Variants in SLC6A16 observed in about 807,000 individuals in gnomAD.
SLC6A16 encodes orphan sodium- and chloride-dependent neurotransmitter transporter NTT5.
In SLC6A16, 54 loss-of-function variants were observed where a neutral mutation model predicts 65.4. The ratio of observed to expected loss-of-function variants is 0.83; its 90% confidence interval spans 0.66 to 1.04. The LOEUF (loss-of-function observed/expected upper bound fraction) is 1.04. SLC6A16 is among the 50% of genes least tolerant of loss of function. The pLI is 0.00. For synonymous variants in SLC6A16, 330 were observed against 346.5 expected (o/e 0.95, Z 0.53); for missense variants, 816 against 914.0 (o/e 0.89, Z 1.38).
chr19:49,321,785 G>A (rs1011087944), intron 1 of SLC6A16, among the ~76,000 whole-genome samples: 2 of 151,950 alleles, frequency 1.3e-5, no homozygotes, highest in Admixed American at 6.6e-5. Context: ...ACCTGGGTGT[G>A]TTGATGTACT....
chr19:49,308,191 G>A (rs1315591152), intron 7 of SLC6A16, among the ~76,000 whole-genome samples: 1 of 152,074 alleles, frequency 6.6e-6, no homozygotes, highest in Non-Finnish European at 1.5e-5. Flanking sequence ...GGTGGCTCAC[G>A]CCTGTAATCG....
upstream of SLC6A16, among the ~76,000 whole-genome samples, chr19:49,327,119 G>A (rs1970807277): frequency 6.6e-6 from 1 of 151,590 alleles, no homozygotes. Flanking sequence ...TGTCACCCAG[G>A]CTGAAGTGCA....
chr19:49,335,897 G>A, the SLC6A16 span: 1 of 864,848 alleles, frequency 1.2e-6, no homozygotes, highest in Non-Finnish European at 1.9e-6. The surrounding 1 kb of genome is among the most constrained non-coding windows in gnomAD (Gnocchi z 4.6). Context: ...CAGGCTACAG[G>A]CTCCCATCCA....
intron 1 of SLC6A16, among the ~76,000 whole-genome samples, chr19:49,323,978 G>C (rs1372959348): frequency 6.6e-6 from 1 of 152,110 alleles, no homozygotes; most frequent in African/African-American, 2.4e-5. Context: ...TGTAGTGAGA[G>C]GTGATCATGC....
Position 49,311,153 on chromosome 19 carries a change from C to T in SLC6A16, c.195G>A (p.Gln65=). The change falls in exon 2 of 12, where the codon CAG becomes CAA. Residue 65 remains glutamine, a synonymous_variant. Coordinates refer to ENST00000335875, the MANE Select transcript of SLC6A16 (RefSeq NM_014037.3). The part of the protein sequence containing the change: ...RVAEAQARTS[Q]PKQISVLEAL... Reference sequence around the variant, plus strand: ...CCTCCAATACAGAAATTTGCTTGGGCTGACTGGTCCTGGCCTGAGCCTCTG... The same window carrying T: ...CCTCCAATACAGAAATTTGCTTGGGTTGACTGGTCCTGGCCTGAGCCTCTG... 6.2e-7 allele frequency: 1 copy of T among 1,614,138 alleles called. No individual in the cohort carries two copies. The highest frequency in any genetic ancestry group is 8.5e-7 in the Non-Finnish European group (1 of 1,180,002).
In SLC6A16 at chr19:49,311,396, A is replaced by G. The variant is rs147946771; in HGVS notation, c.-49T>C. The G allele has an allele frequency of 1.8e-4, 274 of 1,521,762 alleles. No homozygotes were observed. In the African/African-American group the frequency reaches 3.4e-3, roughly 19 times the overall value. 94.3% of individuals were successfully genotyped at this position (1,521,762 alleles called of 1,614,324 possible). A position where few individuals can be genotyped will look rare whatever the true frequency, so the allele number is the denominator to read the frequency against. On this transcript the variant is annotated 5_prime_UTR_variant, in exon 2 of 12. The change abolishes an upstream ATG in the 5' untranslated region. Transcript: ENST00000335875. ...CTCCCGCTTCTGCAAGGGAGGGTTCATCTTCCTGAGGAGACCTGAAGGACA... is the reference window on the plus strand; with the variant it reads ...CTCCCGCTTCTGCAAGGGAGGGTTCGTCTTCCTGAGGAGACCTGAAGGACA...
chr19:49,316,643 C>G (rs1200561602), intron 1 of SLC6A16, among the ~76,000 whole-genome samples: 2 of 151,848 alleles, frequency 1.3e-5, no homozygotes, highest in Non-Finnish European at 2.9e-5. Context: ...AATTAACCAA[C>G]CAGGGATCTT....
the SLC6A16 span, among the ~76,000 whole-genome samples, chr19:49,334,539 A>G: frequency 1.3e-5 from 2 of 151,642 alleles, no homozygotes; most frequent in African/African-American, 2.4e-5. Flanking sequence ...AGGGGCCAGA[A>G]GCAGAGAGAG....
chr19:49,335,757 T>C, the SLC6A16 span: 1 of 1,612,944 alleles, frequency 6.2e-7, no homozygotes, highest in Non-Finnish European at 8.5e-7. The surrounding 1 kb of genome is among the most constrained non-coding windows in gnomAD (Gnocchi z 4.6). Context: ...TGGATCCTCA[T>C]TGACAAGACC....
At position 49,311,235 on chromosome 19, in the gene SLC6A16, A is replaced by C; in HGVS notation, c.113T>G (p.Leu38Trp). 6.2e-7 allele frequency: 1 copy of C among 1,614,142 alleles called. No homozygotes were observed. Reference sequence around the variant, plus strand: ...GGTCCAAGATGTTGCAGACCGGGTCAATGAACCCTTGTCTTCCCACGTTTG... The same window carrying C: ...GGTCCAAGATGTTGCAGACCGGGTCCATGAACCCTTGTCTTCCCACGTTTG... ...GSQTWEDKGS[L>W]TRSATSWTSE... The change falls in exon 2 of 12, where the codon TTG (leucine) becomes TGG (tryptophan). Residue 38 changes from leucine to tryptophan, a missense_variant. Physicochemically the swap from Leu to Trp is moderately conservative, Grantham distance 61 (BLOSUM62 -2). Transcript: ENST00000335875.
At position 49,309,337 on chromosome 19, in the gene SLC6A16, C is replaced by G; in HGVS notation, c.951G>C (p.Gly317=). Residue 317 remains glycine (G), a synonymous_variant, in exon 6 of 12, where the codon GGG becomes GGC. Transcript: ENST00000335875. ...CCAACTGTTGAAGGCCAAATTTTGC[C>G]CCTTCCAGGAGTAGAGTCCGGATGA... is the stretch of plus-strand genomic sequence containing the variant. ...GFFIRTLLLE[G]AKFGLQQLVV... The G allele has an allele frequency of 6.2e-7, 1 of 1,614,014 alleles. No homozygotes were observed. Among genetic ancestry groups the G allele is most frequent in the South Asian group, 1.1e-5 (1 of 91,068 alleles).
In SLC6A16 at chr19:49,323,294, T is replaced by C. The variant is rs549856208; in HGVS notation, c.-65+1754A>G. On this transcript the variant is annotated intron_variant, in intron 1 of 11. Transcript: ENST00000335875. The stretch of plus-strand genomic sequence containing the variant: ...AAAACATACGACAAAAGCTTCATGA[T>C]AGTGGATCTGCAATGAATTCTTGGA... Among the ~76,000 whole-genome samples, 23 of 152,192 alleles carry C rather than the reference T, an allele frequency of 1.5e-4. No individual in the cohort carries two copies. In the South Asian group the frequency reaches 4.6e-3, roughly 30 times the overall value.
chr19:49,337,993 C>T, the SLC6A16 span: 4 of 1,614,020 alleles, frequency 2.5e-6, no homozygotes, highest in Non-Finnish European at 3.4e-6. Context: ...CCGAGGAGAC[C>T]GCGGCCGAGG....
chr19:49,296,545 T>C (rs866300752), intron 7 of SLC6A16, among the ~76,000 whole-genome samples: 1 of 152,208 alleles, frequency 6.6e-6, no homozygotes, highest in Admixed American at 6.5e-5. Context: ...AAGAAAAGGA[T>C]AGTCTTATTA....
At chr19:49,335,691 G>T in the SLC6A16 span, 1 of 1,613,172 alleles carries the variant, frequency 6.2e-7, no homozygotes. The surrounding 1 kb of genome is among the most constrained non-coding windows in gnomAD (Gnocchi z 4.6). Flanking sequence ...GCCCACCCCC[G>T]TATCCGCATC....
the SLC6A16 span, chr19:49,339,756 C>T: frequency 2.2e-6 from 3 of 1,391,168 alleles, no homozygotes; most frequent in Non-Finnish European, 1.9e-6. The surrounding 1 kb of genome is among the most constrained non-coding windows in gnomAD (Gnocchi z 4.5). Flanking sequence ...GCCCCGGGCC[C>T]AGCCTGATCG....
At chr19:49,299,154 G>A (rs1337730661) in intron 7 of SLC6A16, among the ~76,000 whole-genome samples, 1 of 151,038 alleles carries the variant, frequency 6.6e-6, no homozygotes, top group Non-Finnish European at 1.5e-5. Flanking sequence ...GCTGAGGCAG[G>A]AGAATGGCGT....
chr19:49,309,080 G>T lies in SLC6A16; in HGVS notation c.1025C>A (p.Ala342Glu). The change falls in exon 7 of 12, where the codon GCA becomes GAA. Residue 342 changes from alanine to glutamate, a missense_variant. Ala to Glu is a moderately radical substitution (Grantham distance 107, BLOSUM62 -1). Coordinates refer to ENST00000335875, the MANE Select transcript of SLC6A16 (RefSeq NM_014037.3). ...DVYNMSVWSL[A>E]GGQVLSNTGI... is the part of the protein sequence containing the mutation. ...TGTGTTAGACAAAACTTGACCCCCT[G>T]CTAGAGACCACACACTCATATTGTA... is the stretch of plus-strand genomic sequence containing the variant. The T allele has an allele frequency of 6.2e-7, 1 of 1,614,162 alleles. No homozygotes were observed. The highest frequency in any genetic ancestry group is 8.5e-7 in the Non-Finnish European group (1 of 1,180,018).
At chr19:49,300,702 G>A (rs1970272652) in intron 7 of SLC6A16, among the ~76,000 whole-genome samples, 1 of 152,116 alleles carries the variant, frequency 6.6e-6, no homozygotes, top group African/African-American at 2.4e-5. Flanking sequence ...GCAGAGAAAG[G>A]GATCCAGCCT....
Sources: allele counts gnomAD v4.1 joint callset (sites outside exome capture counted in the v4.1 genomes callset), GRCh38; gene constraint gnomAD v4.1.1; non-coding constraint Gnocchi (gnomAD v3.1); transcripts MANE v1.5; gene names NCBI Gene and HGNC (gene_info 2026-07-23, HGNC 2026-07-21).